The following OPCML variants were observed in gnomAD, a reference collection of about 807,000 sequenced individuals.
OPCML encodes opioid binding protein/cell adhesion molecule like, also known as opioid-binding protein/cell adhesion molecule.
In OPCML, 13 loss-of-function variants were observed where a neutral mutation model predicts 37.8. The ratio of observed to expected loss-of-function variants is 0.34; its 90% CI spans 0.22 to 0.55. The LOEUF (loss-of-function observed/expected upper bound fraction) is 0.55. Ranked by LOEUF, OPCML falls within the 20% of genes least tolerant of loss-of-function variation. The pLI is 0.91. For missense variants in OPCML, 341 were observed against 435.6 expected (o/e 0.78, Z 1.93); for synonymous variants, 176 against 168.8 (o/e 1.04, Z -0.33).
At chr11:132,995,524 G>C (rs2136829759) in intron 1 of OPCML, among the ~76,000 whole-genome samples, 1 of 146,886 alleles carries the variant, frequency 6.8e-6, no homozygotes, top group Non-Finnish European at 1.5e-5. Flanking sequence ...CTTTGATGTT[G>C]ATTGTGCTCA....
intron 1 of OPCML, chr11:133,418,511 C>A: frequency 4.1e-6 from 4 of 974,858 alleles, no homozygotes; most frequent in Non-Finnish European, 4.9e-6. Flanking sequence ...ACAGCCTTTG[C>A]AAAATTATGA....
At chr11:133,155,571 C>T (rs1950047576) in intron 1 of OPCML, among the ~76,000 whole-genome samples, 1 of 152,162 alleles carries the variant, frequency 6.6e-6, no homozygotes, top group African/African-American at 2.4e-5. Context: ...AGCCTCCTTA[C>T]TTCACCCGCA....
intron 2 of OPCML, among the ~76,000 whole-genome samples, chr11:132,858,643 C>T (rs1591712285): frequency 6.6e-6 from 1 of 152,268 alleles, no homozygotes; most frequent in East Asian, 1.9e-4. Flanking sequence ...CAAGTCCTGA[C>T]TCTGGTAGCA....
intron 4 of OPCML, among the ~76,000 whole-genome samples, chr11:132,506,911 A>T (rs563573557): frequency 1.0e-3 from 159 of 152,182 alleles, no homozygotes; most frequent in Admixed American, 3.1e-3. Flanking sequence ...TTATAATGAA[A>T]AAAAGGCTTC....
In OPCML at chr11:132,921,618, G is replaced by A. The variant is rs987658376; in HGVS notation, c.146+21308C>T. On this transcript the variant is annotated intron_variant, in intron 2 of 7. Coordinates refer to ENST00000524381, the MANE Select transcript of OPCML (RefSeq NM_001012393.5). ...CCCTAGCTCCTCCAGCTAGAGCCTG[G>A]ACATAAATGGGATCCTAGCCAATGA... Among the ~76,000 whole-genome samples the A allele has an allele frequency of 7.9e-5, 12 of 152,312 alleles. No individual in the cohort carries two copies. The South Asian group carries it at 1.0e-3, about 13-fold the overall frequency.
At chr11:133,363,599 C>A (rs1944470491) in intron 1 of OPCML, among the ~76,000 whole-genome samples, 1 of 152,178 alleles carries the variant, frequency 6.6e-6, no homozygotes, top group Non-Finnish European at 1.5e-5. Flanking sequence ...TGGGGAGGTG[C>A]AGAGGCACAG....
chr11:133,461,170 C>T (rs953250142), intron 1 of OPCML, among the ~76,000 whole-genome samples: 1 of 151,798 alleles, frequency 6.6e-6, no homozygotes. Context: ...AATAACAAGA[C>T]AAGGATTCCT....
At chr11:133,158,045 C>A (rs866709351) in intron 1 of OPCML, among the ~76,000 whole-genome samples, 1 of 152,172 alleles carries the variant, frequency 6.6e-6, no homozygotes. Flanking sequence ...AACATTTCAG[C>A]TTTGTCTTCA....
intron 2 of OPCML, among the ~76,000 whole-genome samples, chr11:132,799,237 C>T (rs1260710996): frequency 6.6e-6 from 1 of 152,136 alleles, no homozygotes; most frequent in Non-Finnish European, 1.5e-5. Flanking sequence ...TTGAGTGCAG[C>T]CGCCTTTACC....
chr11:132,703,187 A>G (rs911933686), intron 2 of OPCML, among the ~76,000 whole-genome samples: 1 of 152,174 alleles, frequency 6.6e-6, no homozygotes, highest in Non-Finnish European at 1.5e-5. Context: ...AGTATAGCCT[A>G]CTATACAACT....
chr11:132,626,243 A>C (rs1939730243), intron 3 of OPCML, among the ~76,000 whole-genome samples: 1 of 151,946 alleles, frequency 6.6e-6, no homozygotes, highest in Non-Finnish European at 1.5e-5. Context: ...GACACTAAAC[A>C]GATTCTGAAA....
intron 1 of OPCML, among the ~76,000 whole-genome samples, chr11:133,404,321 C>T (rs2136847629): frequency 6.6e-6 from 1 of 152,360 alleles, no homozygotes; most frequent in Non-Finnish European, 1.5e-5. Flanking sequence ...AATAAGGTCA[C>T]ATTCGCAGGC....
At chr11:132,488,295 C>A (rs1168909893) in intron 4 of OPCML, among the ~76,000 whole-genome samples, 1 of 152,178 alleles carries the variant, frequency 6.6e-6, no homozygotes, top group African/African-American at 2.4e-5. Flanking sequence ...GACAGGGATA[C>A]TTCTGGGAAA....
intron 1 of OPCML, among the ~76,000 whole-genome samples, chr11:133,471,995 C>G (rs1020027700): frequency 1.3e-5 from 2 of 152,180 alleles, no homozygotes; most frequent in Non-Finnish European, 1.5e-5. Context: ...GAGAGCTGAT[C>G]TTTCTATTGC....
chr11:132,585,760 G>A (rs1274720100), intron 3 of OPCML, among the ~76,000 whole-genome samples: 1 of 152,182 alleles, frequency 6.6e-6, no homozygotes, highest in Admixed American at 6.5e-5. Flanking sequence ...TCAGAAGTCT[G>A]AGGATAGTTA....
chr11:133,038,160 G>T (rs1026265450), intron 1 of OPCML, among the ~76,000 whole-genome samples: 2 of 152,214 alleles, frequency 1.3e-5, no homozygotes, highest in Non-Finnish European at 2.9e-5. Context: ...CATGGGGAGA[G>T]CTCTGGGTGC....
chr11:132,563,472 T>C (rs1308661684), intron 3 of OPCML, among the ~76,000 whole-genome samples: 1 of 151,942 alleles, frequency 6.6e-6, no homozygotes, highest in Non-Finnish European at 1.5e-5. Context: ...GAGAAGCTCA[T>C]TCATGGGAAT....
chr11:133,355,384 A>C (rs965893587), intron 1 of OPCML, among the ~76,000 whole-genome samples: 1 of 152,236 alleles, frequency 6.6e-6, no homozygotes, highest in Non-Finnish European at 1.5e-5. Flanking sequence ...ATAAGGCAGA[A>C]AGCTGAGAGC....
intron 1 of OPCML, among the ~76,000 whole-genome samples, chr11:133,344,304 A>C (rs1943946405): frequency 6.6e-6 from 1 of 152,220 alleles, no homozygotes; most frequent in Admixed American, 6.5e-5. Context: ...TAGCCCTGAG[A>C]GCCAATGCTG....
Sources: gnomAD v4.1 joint callset for allele counts (sites outside exome capture counted in the v4.1 genomes callset) on GRCh38, gnomAD v4.1.1 for gene constraint, MANE v1.5 for transcripts, NCBI Gene and HGNC (gene_info 2026-07-23, HGNC 2026-07-21) for gene names.